CES5A: variants seen among roughly 807,000 people sequenced by gnomAD.
The protein encoded by CES5A is carboxylesterase 5A.
CES5A carries 67 observed loss-of-function variants against 62.9 expected under a neutral mutation model. The observed-to-expected ratio is 1.07, with a 90% CI of 0.88 to 1.31. CES5A has a LOEUF of 1.31. CES5A is among the 50% of genes most tolerant of loss of function. CES5A has a pLI of 0.00. For synonymous variants in CES5A, 296 were observed against 280.8 expected (o/e 1.05, Z -0.54); for missense variants, 748 against 708.5 (o/e 1.06, Z -0.63).
intron 1 of CES5A, among the ~76,000 whole-genome samples, chr16:55,904,159 G>A (rs889949700): frequency 6.6e-5 from 10 of 152,166 alleles, no homozygotes; most frequent in African/African-American, 2.4e-4. Flanking sequence ...AATAAAATGA[G>A]GAAAAGGAGA....
chr16:55,908,579 C>T lies in CES5A; in HGVS notation c.-256+16744G>A, dbSNP rs557134853. On this transcript the variant is annotated intron_variant, in intron 1 of 12. Transcript: ENST00000518005. ...TTCTCCATGTTGGTCAAACTGGTCT[C>T]GAACTCCTGACCTCACGTGATCCGC... Among the ~76,000 whole-genome samples the T allele has an allele frequency of 2.6e-5, 4 of 152,232 alleles. No individual in the cohort carries two copies. In the East Asian group the frequency reaches 5.8e-4, roughly 22 times the overall value.
At position 55,846,351 on chromosome 16, in the gene CES5A, A is replaced by C; in HGVS notation, c.*100T>G. 1.2e-6 allele frequency: 1 copy of C among 852,054 alleles called. No individual in the cohort carries two copies. Among genetic ancestry groups the C allele is most frequent in the South Asian group, 1.6e-5 (1 of 61,100 alleles). The allele number at this position is 852,054 out of a possible 1,614,324, so 52.8% of individuals were successfully genotyped here. A position where few individuals can be genotyped will look rare whatever the true frequency, so the allele number is the denominator to read the frequency against. ...ATCAGCGAAAGCAGCTTGTTTTGCA[A>C]GGATCCCCATAGAAAGCAGCTGAGC... On this transcript the variant is annotated 3_prime_UTR_variant, in exon 13 of 13. Transcript: ENST00000290567.
At position 55,856,252 on chromosome 16, in the gene CES5A, G is replaced by C. The variant is rs531090660; in HGVS notation, c.1125+125C>G. On this transcript the variant is annotated intron_variant, in intron 9 of 12. Coordinates refer to ENST00000290567, the MANE Select transcript of CES5A (RefSeq NM_001143685.2). ...GACTAATACACCTATGCTTAGTAAA[G>C]GTCTATTGAATGACTGAGTGAGTGA... is the stretch of plus-strand genomic sequence containing the variant. 473 of 795,854 alleles carry C rather than the reference G, an allele frequency of 5.9e-4. 5 individuals carry two copies. The highest frequency in any genetic ancestry group is 5.6e-3 in the South Asian group (380 of 67,354). 49.3% of individuals were successfully genotyped at this position (795,854 alleles called of 1,614,324 possible). A position where few individuals can be genotyped will look rare whatever the true frequency, so the allele number is the denominator to read the frequency against.
At chr16:55,848,840 C>T (rs1597107354) in intron 11 of CES5A, among the ~76,000 whole-genome samples, 1 of 152,162 alleles carries the variant, frequency 6.6e-6, no homozygotes, top group South Asian at 2.1e-4. Flanking sequence ...GGTATTCACT[C>T]TTACTTTATG....
At chr16:55,900,511 A>C (rs1334966697) in intron 1 of CES5A, among the ~76,000 whole-genome samples, 2 of 152,204 alleles carry the variant, frequency 1.3e-5, no homozygotes. Context: ...GGAATCCCAT[A>C]ATAAAGCTTG....
At chr16:55,949,754 A>C in intron 2 of CES5A, 1 of 1,187,632 alleles carries the variant, frequency 8.4e-7, no homozygotes, top group Non-Finnish European at 1.2e-6. Context: ...GGGCAGACCC[A>C]ACCCTGGTAA....
At chr16:55,885,493 CTG>C (rs1363313245) in intron 1 of CES5A, among the ~76,000 whole-genome samples, 2 of 152,072 alleles carry the variant, frequency 1.3e-5, no homozygotes, top group Admixed American at 6.5e-5. Flanking sequence ...AGCTGCCAGA[CTG>C]TGATAGAATC....
intron 4 of CES5A, among the ~76,000 whole-genome samples, chr16:55,868,493 T>C (rs2033512223): frequency 6.6e-6 from 1 of 152,202 alleles, no homozygotes; most frequent in South Asian, 2.1e-4. Context: ...ATGTCACCCC[T>C]CTCTGAAGCC....
chr16:55,863,139 TGTGC>T (rs1409829411), intron 6 of CES5A, among the ~76,000 whole-genome samples: 1 of 152,108 alleles, frequency 6.6e-6, no homozygotes, highest in Non-Finnish European at 1.5e-5. Context: ...CACACACACT[TGTGC>T]ACACCAGTGG....
chr16:55,856,518 G>A, intron 8 of CES5A, 73 bp from the exon 9 acceptor site: 1 of 1,433,406 alleles, frequency 7.0e-7, no homozygotes. Context: ...AAGGGCCTGG[G>A]CAGCTGACTT....
intron 1 of CES5A, among the ~76,000 whole-genome samples, chr16:55,896,073 T>C (rs2033929526): frequency 6.6e-6 from 1 of 151,926 alleles, no homozygotes; most frequent in Non-Finnish European, 1.5e-5. Context: ...AGGAAAGAGG[T>C]TTAATTGACT....
intron 5 of CES5A, among the ~76,000 whole-genome samples, chr16:55,864,747 T>TA (rs1228050772): frequency 2.7e-4 from 41 of 150,810 alleles, no homozygotes; most frequent in Non-Finnish European, 4.3e-4. Flanking sequence ...TTTTAAAAAA[T>TA]AAAAAAAAAG....
At chr16:55,926,878 T>C (rs1260195717), upstream of CES5A, among the ~76,000 whole-genome samples, 1 of 152,224 alleles carries the variant, frequency 6.6e-6, no homozygotes, top group Admixed American at 6.5e-5. Context: ...CTGAACCACA[T>C]CCACCTCTTA....
upstream of CES5A, among the ~76,000 whole-genome samples, chr16:55,877,410 GTGTGTGTGTGTATATATATATA>G (rs1182854913): frequency 6.7e-6 from 1 of 148,200 alleles, no homozygotes; most frequent in Non-Finnish European, 1.5e-5. Context: ...GTATACATAT[GTGTGTGTGTGTATATATATATA>G]TGTGTGTGTG....
chr16:55,875,689 C>A (rs567071969), upstream of CES5A, among the ~76,000 whole-genome samples: 1 of 152,208 alleles, frequency 6.6e-6, no homozygotes, highest in African/African-American at 2.4e-5. Context: ...CAAGCACTGC[C>A]AGCTCAGACA....
rs1167524019 is a variant in CES5A, at chr16:55,856,825, G to C, written c.1057-380C>G. On this transcript the variant is annotated intron_variant, in intron 8 of 12. Coordinates refer to ENST00000290567, the MANE Select transcript of CES5A (RefSeq NM_001143685.2). ...GGGGTGATTACATTAAAATGTGGCT[G>C]TTAGAGTGGGTCCTAATCCAATCTG... Among the ~76,000 whole-genome samples, 3 of 152,234 alleles carry C rather than the reference G, an allele frequency of 2.0e-5. No homozygotes were observed. In the South Asian group the frequency reaches 6.2e-4, roughly 32 times the overall value.
intron 2 of CES5A, among the ~76,000 whole-genome samples, chr16:55,940,769 G>A (rs532350806): frequency 6.6e-6 from 1 of 151,412 alleles, no homozygotes; most frequent in East Asian, 1.9e-4. Flanking sequence ...AAATTTCTCA[G>A]CAAAATAATA....
rs1388527386 is a variant in CES5A at position 55,853,041 on chromosome 16, C to T, written c.1126-13G>A. On this transcript the variant is annotated splice_polypyrimidine_tract_variant and intron_variant, in intron 9 of 12. Transcript: ENST00000290567. ...GAGGCGGGATGTGCTGTAAAAATAT[C>T]GTAGTCCTAGGAGATCCAGGTCAAC... 5 of 1,613,610 alleles carry T rather than the reference C, an allele frequency of 3.1e-6. No individual in the cohort carries two copies. The highest frequency in any genetic ancestry group is 2.2e-5 in the South Asian group (2 of 91,036).
upstream of CES5A, among the ~76,000 whole-genome samples, chr16:55,928,834 G>A (rs1183852753): frequency 6.6e-6 from 1 of 152,114 alleles, no homozygotes; most frequent in Non-Finnish European, 1.5e-5. Context: ...ATCCCCTGCT[G>A]TCCCACATGC....
Sources: allele counts gnomAD v4.1 joint callset (sites outside exome capture counted in the v4.1 genomes callset), GRCh38; gene constraint gnomAD v4.1.1; transcripts MANE v1.5; gene names NCBI Gene and HGNC (gene_info 2026-07-23, HGNC 2026-07-21).